The following ZNF723 variants were observed in gnomAD, a reference collection of about 807,000 sequenced individuals.
The protein encoded by ZNF723 is zinc finger protein 723, pseudogene.
In ZNF723, 5 loss-of-function variants were observed where a neutral mutation model predicts 9.4. The observed-to-expected ratio is 0.53, with a 90% confidence interval of 0.28 to 1.12. ZNF723 has a LOEUF of 1.12. Ranked by LOEUF, ZNF723 falls within the 50% of genes most tolerant of loss-of-function variation. ZNF723 has a pLI of 0.10. For missense variants in ZNF723, 450 were observed against 501.5 expected (o/e 0.90, Z 0.98); for synonymous variants, 158 against 168.8 (o/e 0.94, Z 0.49).
At chr19:22,825,687 C>T in the ZNF723 span, among the ~76,000 whole-genome samples, 1 of 152,268 alleles carries the variant, frequency 6.6e-6, no homozygotes, top group East Asian at 1.9e-4. Context: ...CCTCCCATGT[C>T]TGGGCCCTGC....
chr19:22,840,785 T>C (rs1434467747), intron 1 of ZNF723: 1 of 152,188 alleles, frequency 6.6e-6, no homozygotes, highest in Admixed American at 6.5e-5. Flanking sequence ...TCCGGACTCA[T>C]GCTGGAAATC....
intron 1 of ZNF723, among the ~76,000 whole-genome samples, chr19:22,834,237 T>G (rs1967137916): frequency 6.6e-6 from 1 of 152,136 alleles, no homozygotes; most frequent in East Asian, 1.9e-4. Context: ...CTTGATAATG[T>G]ATTTTAATTA....
At chr19:22,837,176 C>T (rs1238222968) in intron 1 of ZNF723, among the ~76,000 whole-genome samples, 1 of 151,470 alleles carries the variant, frequency 6.6e-6, no homozygotes, top group East Asian at 1.9e-4. Flanking sequence ...GGCTGTAATC[C>T]CAGCTACTTG....
At chr19:22,848,448 T>C (rs2145223007) in intron 2 of ZNF723, 61 bp downstream of exon 2, 1 of 1,214,872 alleles carries the variant, frequency 8.2e-7, no homozygotes, top group Non-Finnish European at 1.2e-6. Context: ...TTTGGTGTTG[T>C]AGAATGTTTT....
chr19:22,852,020 C>A (rs1035290662), intron 3 of ZNF723, among the ~76,000 whole-genome samples: 6 of 152,066 alleles, frequency 3.9e-5, no homozygotes, highest in Admixed American at 3.9e-4. Context: ...AACTCCCAAC[C>A]TCAGGTGATC....
the ZNF723 span, among the ~76,000 whole-genome samples, chr19:22,812,758 G>A: frequency 2.0e-5 from 3 of 152,092 alleles, no homozygotes; most frequent in Non-Finnish European, 2.9e-5. Context: ...TTAAAGGTAC[G>A]AAATTGACTC....
intron 1 of ZNF723, among the ~76,000 whole-genome samples, chr19:22,834,609 T>G (rs1199318703): frequency 6.6e-6 from 1 of 152,158 alleles, no homozygotes; most frequent in South Asian, 2.1e-4. Flanking sequence ...ACCTGAGGTA[T>G]GGAGTGTAGC....
chr19:22,843,007 CG>C (rs1967268570), intron 1 of ZNF723, among the ~76,000 whole-genome samples: 2 of 152,222 alleles, frequency 1.3e-5, no homozygotes, highest in South Asian at 2.1e-4. Flanking sequence ...TGGCAGAATA[CG>C]TAAGTGTGAA....
chr19:22,845,761 G>A (rs920305620), intron 1 of ZNF723, among the ~76,000 whole-genome samples: 2 of 152,122 alleles, frequency 1.3e-5, no homozygotes, highest in African/African-American at 4.8e-5. Flanking sequence ...TGTGGGTGTG[G>A]TGGTAGCAGG....
intron 1 of ZNF723, 79 bp downstream of exon 1, chr19:22,832,461 A>G: frequency 1.6e-6 from 2 of 1,281,920 alleles, no homozygotes; most frequent in Non-Finnish European, 2.2e-6. Context: ...GGCGGGACTC[A>G]GGCCTCCCTG....
At chr19:22,835,380 T>C (rs1967154285) in intron 1 of ZNF723, among the ~76,000 whole-genome samples, 1 of 152,106 alleles carries the variant, frequency 6.6e-6, no homozygotes, top group Non-Finnish European at 1.5e-5. Context: ...TGTTTGCTTA[T>C]ATTGACTTCA....
upstream of ZNF723, among the ~76,000 whole-genome samples, chr19:22,831,530 C>G (rs1355111358): frequency 6.6e-6 from 1 of 151,674 alleles, no homozygotes; most frequent in African/African-American, 2.4e-5. Context: ...GCACTCCAAC[C>G]TGGGCAACAG....
upstream of ZNF723, among the ~76,000 whole-genome samples, chr19:22,830,891 T>G (rs1203632247): frequency 6.6e-6 from 1 of 152,038 alleles, no homozygotes; most frequent in African/African-American, 2.4e-5. Context: ...GCCTCCTGAG[T>G]AGCTGGGATT....
chr19:22,851,473 A>G (rs2084057019), intron 3 of ZNF723, among the ~76,000 whole-genome samples: 1 of 151,898 alleles, frequency 6.6e-6, no homozygotes, highest in South Asian at 2.1e-4. Flanking sequence ...CGCCCAGCCT[A>G]TATACATTTT....
chr19:22,857,319 A>C lies in ZNF723; in HGVS notation c.428A>C (p.Lys143Thr). 2.4e-6 allele frequency: 2 copies of C among 824,138 alleles called. No homozygotes were observed. Among genetic ancestry groups the C allele is most frequent in the South Asian group, 1.3e-5 (1 of 74,440 alleles). 51.1% of individuals were successfully genotyped at this position (824,138 alleles called of 1,614,324 possible). A position where few individuals can be genotyped will look rare whatever the true frequency, so the allele number is the denominator to read the frequency against. The change falls in exon 4 of 4, where the codon AAA becomes ACA. Residue 143 changes from lysine (K) to threonine (T), a missense_variant. Lys to Thr is a moderately conservative substitution (Grantham distance 78, BLOSUM62 -1). Transcript: ENST00000600766. Reference protein sequence around the residue: ...LKQCLTTTPSKIFQCDKYVKV... With the variant: ...LKQCLTTTPSTIFQCDKYVKV... ...CAATGTTTGACAACTACCCCGAGCA[A>C]AATATTTCAATGTGATAAATATGTA... is the stretch of plus-strand genomic sequence containing the variant.
the ZNF723 span, among the ~76,000 whole-genome samples, chr19:22,822,116 A>G: frequency 2.6e-5 from 4 of 152,200 alleles, no homozygotes; most frequent in African/African-American, 9.6e-5. Context: ...ATCTCAAAAA[A>G]AATTATGCAT....
chr19:22,819,353 G>A, the ZNF723 span, among the ~76,000 whole-genome samples: 3 of 152,186 alleles, frequency 2.0e-5, no homozygotes, highest in Admixed American at 2.0e-4. Flanking sequence ...CTTCTGCCTG[G>A]GCCATGCCCA....
chr19:22,823,335 T>G, the ZNF723 span, among the ~76,000 whole-genome samples: 1 of 152,184 alleles, frequency 6.6e-6, no homozygotes, highest in Non-Finnish European at 1.5e-5. Context: ...GTTGAGGTTC[T>G]GAATCTCAAA....
intron 1 of ZNF723, among the ~76,000 whole-genome samples, chr19:22,843,640 G>A (rs1477175532): frequency 6.6e-6 from 1 of 152,148 alleles, no homozygotes; most frequent in African/African-American, 2.4e-5. Context: ...TCATTGAACA[G>A]ATGTGTGCAA....
Sources: allele counts gnomAD v4.1 joint callset (sites outside exome capture counted in the v4.1 genomes callset), GRCh38; gene constraint gnomAD v4.1.1; transcripts MANE v1.5; gene names NCBI Gene and HGNC (gene_info 2026-07-23, HGNC 2026-07-21).